ARHGEF38: variants seen among roughly 807,000 people sequenced by gnomAD.
ARHGEF38 encodes the protein Rho guanine nucleotide exchange factor 38.
ARHGEF38 carries 79 observed loss-of-function variants against 79.9 expected under a neutral mutation model. The ratio of observed to expected loss-of-function variants is 0.99; its 90% confidence interval spans 0.82 to 1.19. The LOEUF (loss-of-function observed/expected upper bound fraction) is 1.19. Ranked by LOEUF, ARHGEF38 falls within the 50% of genes most tolerant of loss-of-function variation. The pLI is 0.00. For synonymous variants in ARHGEF38, 366 were observed against 328.3 expected (o/e 1.11, Z -1.24); for missense variants, 962 against 907.2 (o/e 1.06, Z -0.78).
chr4:105,659,267 G>T lies in ARHGEF38; in HGVS notation c.1447G>T (p.Ala483Ser). Residue 483 changes from alanine to serine, a missense_variant, in exon 10 of 14, where the codon GCT becomes TCT. Transcript: ENST00000420470. ...GGAGGAGCTCCAGGCATTCAACCAG[G>T]CTGCTCGGAAGATTCTGTTGAACTG... ...LVEELQAFNQ[A>S]ARKILLNCLC... The T allele has an allele frequency of 6.5e-7, 1 of 1,536,074 alleles. No homozygotes were observed. Among genetic ancestry groups the T allele is most frequent in the Non-Finnish European group, 8.7e-7 (1 of 1,146,882 alleles).
chr4:105,590,101 A>C (rs1413120865), intron 2 of ARHGEF38, among the ~76,000 whole-genome samples: 2 of 145,386 alleles, frequency 1.4e-5, no homozygotes, highest in Non-Finnish European at 3.0e-5. Flanking sequence ...GAAGGAAGGA[A>C]GGAAGGAAGG....
intron 13 of ARHGEF38, among the ~76,000 whole-genome samples, chr4:105,673,663 G>C (rs370974512): frequency 4.6e-5 from 7 of 151,974 alleles, no homozygotes; most frequent in African/African-American, 1.7e-4. Flanking sequence ...TACCACTTCA[G>C]GTAGGTAGGT....
chr4:105,666,799 T>C (rs946286675), intron 11 of ARHGEF38, among the ~76,000 whole-genome samples: 1 of 152,218 alleles, frequency 6.6e-6, no homozygotes, highest in African/African-American at 2.4e-5. Context: ...CTTAGCTGAA[T>C]ACTTAATATG....
At chr4:105,646,423 GA>G (rs1278015979) in intron 6 of ARHGEF38, among the ~76,000 whole-genome samples, 1 of 152,122 alleles carries the variant, frequency 6.6e-6, no homozygotes, top group African/African-American at 2.4e-5. Flanking sequence ...TATACTCAGG[GA>G]AATGTAATCA....
chr4:105,607,551 A>G (rs1278253492), intron 2 of ARHGEF38, among the ~76,000 whole-genome samples: 1 of 152,102 alleles, frequency 6.6e-6, no homozygotes, highest in Non-Finnish European at 1.5e-5. Context: ...TGTCATAGAG[A>G]CAGATAAATT....
chr4:105,654,280 G>GACA, intron 8 of ARHGEF38, 111 bp downstream of exon 8: 1 of 601,888 alleles, frequency 1.7e-6, no homozygotes, highest in South Asian at 4.4e-5. Flanking sequence ...TTTATGTTAT[G>GACA]ACACCGGATC....
At chr4:105,565,191 T>C (rs1052774691) in intron 1 of ARHGEF38, among the ~76,000 whole-genome samples, 7 of 152,164 alleles carry the variant, frequency 4.6e-5, no homozygotes, top group African/African-American at 1.7e-4. Flanking sequence ...GAAGATAAAA[T>C]ATTCCCAGCC....
chr4:105,651,919 A>G (rs551149780), intron 7 of ARHGEF38, among the ~76,000 whole-genome samples: 2 of 152,148 alleles, frequency 1.3e-5, no homozygotes, highest in Non-Finnish European at 1.5e-5. Flanking sequence ...TTCTAAACAT[A>G]TTGTTTTCAT....
Position 105,607,920 on chromosome 4 carries a change from C to T in ARHGEF38, c.385-5464C>T, listed in dbSNP as rs1003206288. ...GACAAGTTCTCCACAAAGATGACTG[C>T]CAAAGATAGAAACTTACATACTATT... On this transcript the variant is annotated intron_variant, in intron 2 of 13. Transcript: ENST00000420470. Among the ~76,000 whole-genome samples, 2 of 152,026 alleles carry T rather than the reference C, an allele frequency of 1.3e-5. 1 individual carries two copies. The highest frequency in any genetic ancestry group is 6.8e-3 in the Middle Eastern group (2 of 294).
chr4:105,555,434 T>C (rs150609999), intron 1 of ARHGEF38, among the ~76,000 whole-genome samples: 7 of 152,316 alleles, frequency 4.6e-5, no homozygotes, highest in African/African-American at 9.6e-5. Context: ...CAATCAGTTC[T>C]GTGCGTTTGT....
intron 11 of ARHGEF38, 76 bp from the exon 12 acceptor site, chr4:105,667,053 G>GA (rs1406978422): frequency 3.9e-6 from 5 of 1,268,984 alleles, no homozygotes; most frequent in Non-Finnish European, 5.3e-6. Context: ...AATCTCCAGG[G>GA]AAAAAATATT....
chr4:105,675,735 A>G (rs1014814753), intron 13 of ARHGEF38, among the ~76,000 whole-genome samples: 1 of 152,200 alleles, frequency 6.6e-6, no homozygotes, highest in African/African-American at 2.4e-5. Flanking sequence ...TGGAAGTCCA[A>G]GATCAAGGCA....
chr4:105,567,675 A>G (rs1725997102), intron 1 of ARHGEF38, among the ~76,000 whole-genome samples: 1 of 152,234 alleles, frequency 6.6e-6, no homozygotes, highest in Admixed American at 6.5e-5. Context: ...TCTTGATGGT[A>G]AGAGCTGTTG....
chr4:105,661,872 C>T, intron 10 of ARHGEF38, among the ~76,000 whole-genome samples: 1 of 152,052 alleles, frequency 6.6e-6, no homozygotes. Flanking sequence ...ATTAACCTGT[C>T]CCTATTGATG....
intron 2 of ARHGEF38, 116 bp from the exon 3 acceptor site, chr4:105,613,268 C>A: frequency 4.0e-6 from 5 of 1,255,976 alleles, no homozygotes; most frequent in Middle Eastern, 2.3e-4. Context: ...AGAATGTTAA[C>A]AGAAATGGTT....
intron 13 of ARHGEF38, among the ~76,000 whole-genome samples, chr4:105,670,385 T>C (rs1379793196): frequency 1.3e-5 from 2 of 152,184 alleles, no homozygotes; most frequent in African/African-American, 4.8e-5. Flanking sequence ...TCCCTAATGA[T>C]TAATGCTATT....
At chr4:105,584,384 C>A (rs1726932529) in intron 1 of ARHGEF38, among the ~76,000 whole-genome samples, 1 of 152,148 alleles carries the variant, frequency 6.6e-6, no homozygotes, top group Admixed American at 6.5e-5. Flanking sequence ...TTCAAGATAT[C>A]CAGTATAATG....
In ARHGEF38 at chr4:105,606,380, T is replaced by C. The variant is rs181681335; in HGVS notation, c.385-7004T>C. ...ATTAAATATATATGTCATGCACATA[T>C]ATATGGAATTTTTAAGTTGTGTGAT... On this transcript the variant is annotated intron_variant, in intron 2 of 13. Coordinates refer to ENST00000420470, the MANE Select transcript of ARHGEF38 (RefSeq NM_001242729.2). Among the ~76,000 whole-genome samples the C allele has an allele frequency of 4.3e-4, 66 of 152,188 alleles. 1 individual carries two copies. Among genetic ancestry groups the C allele is most frequent in the Admixed American group, 4.3e-3 (66 of 15,248 alleles).
chr4:105,567,903 G>A (rs1448192813), intron 1 of ARHGEF38, among the ~76,000 whole-genome samples: 2 of 151,102 alleles, frequency 1.3e-5, no homozygotes, highest in African/African-American at 4.9e-5. Flanking sequence ...CTAGCATTAG[G>A]TATATTTCCC....
Sources: gnomAD v4.1 joint callset for allele counts (sites outside exome capture counted in the v4.1 genomes callset) on GRCh38, gnomAD v4.1.1 for gene constraint, MANE v1.5 for transcripts, NCBI Gene and HGNC (gene_info 2026-07-23, HGNC 2026-07-21) for gene names.